The following SPTAN1 variants were observed in gnomAD, a reference collection of about 807,000 sequenced individuals.
The protein encoded by SPTAN1 is spectrin alpha chain, non-erythrocytic 1.
SPTAN1 carries 61 observed loss-of-function variants against 331.3 expected under a neutral mutation model. The ratio of observed to expected loss-of-function variants is 0.18; its 90% CI spans 0.15 to 0.23. The LOEUF is 0.23. Ranked by LOEUF, SPTAN1 falls within the 10% of genes least tolerant of loss-of-function variation. The pLI is 1.00. For missense variants in SPTAN1, 2,043 were observed against 3,147.9 expected (o/e 0.65, Z 8.40); for synonymous variants, 1,153 against 1,173.9 (o/e 0.98, Z 0.36).
intron 26 of SPTAN1, 157 bp downstream of exon 26, chr9:128,599,143 C>CT (rs559182169): frequency 8.2e-4 from 647 of 791,288 alleles, no homozygotes; most frequent in South Asian, 1.4e-3. Flanking sequence ...AAATTGATTT[C>CT]TTTTTTTTTG....
intron 12 of SPTAN1, among the ~76,000 whole-genome samples, 154 bp from the exon 13 acceptor site, chr9:128,582,325 T>C (rs1250367595): frequency 3.4e-4 from 3 of 8,884 alleles, no homozygotes; most frequent in African/African-American, 3.9e-4. Flanking sequence ...TCAAAAGTTA[T>C]GAGAAAAAAT....
At chr9:128,568,510 C>T (rs148191776) in intron 2 of SPTAN1, among the ~76,000 whole-genome samples, 10 of 152,326 alleles carry the variant, frequency 6.6e-5, no homozygotes, top group African/African-American at 2.4e-4. Flanking sequence ...TATTTTGTAG[C>T]ATCTTCCATT....
intron 24 of SPTAN1, 117 bp downstream of exon 24, chr9:128,594,490 G>C (rs1407896180): frequency 2.6e-5 from 27 of 1,027,652 alleles, no homozygotes; most frequent in Non-Finnish European, 3.4e-5. Flanking sequence ...GAGTGCAGTG[G>C]TATGACTTCG....
chr9:128,588,653 C>A (rs1853005259), intron 20 of SPTAN1, among the ~76,000 whole-genome samples, 156 bp from the exon 21 acceptor site: 1 of 151,916 alleles, frequency 6.6e-6, no homozygotes, highest in Non-Finnish European at 1.5e-5. Context: ...ATTTAAAGTT[C>A]TTGGATCAGA....
chr9:128,627,586 G>A lies in SPTAN1; in HGVS notation c.6689+88G>A. 1.6e-6 allele frequency: 2 copies of A among 1,289,808 alleles called. No individual in the cohort carries two copies. Among genetic ancestry groups the A allele is most frequent in the Middle Eastern group, 1.8e-4 (1 of 5,518 alleles). The allele number at this position is 1,289,808 out of a possible 1,614,324, so 79.9% of individuals were successfully genotyped here. A position where few individuals can be genotyped will look rare whatever the true frequency, so the allele number is the denominator to read the frequency against. ...CTTCCAGCCCCAAGGAGGTGGTGGTGCTTTGTGTAAAACCAGAGGCAGCCT... is the reference window on the plus strand; with the variant it reads ...CTTCCAGCCCCAAGGAGGTGGTGGTACTTTGTGTAAAACCAGAGGCAGCCT... On this transcript the variant is annotated intron_variant, in intron 50 of 56. Transcript: ENST00000372739. This position sits in a 1 kb window ranked among gnomAD's most constrained non-coding sequence, Gnocchi z 4.9.
chr9:128,561,015 C>CAAAA (rs10648319), intron 1 of SPTAN1, among the ~76,000 whole-genome samples: 45 of 60,052 alleles, frequency 7.5e-4, no homozygotes, highest in East Asian at 1.6e-3. Context: ...GACCCCATCT[C>CAAAA]AAAAAAAAAA....
intron 42 of SPTAN1, 76 bp downstream of exon 42, chr9:128,617,836 T>A: frequency 5.6e-6 from 9 of 1,611,958 alleles, no homozygotes; most frequent in Non-Finnish European, 6.8e-6. Flanking sequence ...CCCCTTGCGC[T>A]TATTTCACTG....
At position 128,584,712 on chromosome 9, in the gene SPTAN1, T is replaced by C. The variant is rs1354976069; in HGVS notation, c.2438-9T>C. On this transcript the variant is annotated splice_polypyrimidine_tract_variant and intron_variant, in intron 17 of 56. Transcript: ENST00000372739. The stretch of plus-strand genomic sequence containing the variant: ...GGTTGGATAACTGGGGACTGGTGTC[T>C]GCTTTCAGGTAAGGATTTAATTGGG... 5 of 1,614,240 alleles carry C rather than the reference T, an allele frequency of 3.1e-6. No individual in the cohort carries two copies. Among genetic ancestry groups the C allele is most frequent in the Non-Finnish European group, 4.2e-6 (5 of 1,180,046 alleles).
At chr9:128,599,909 C>T (rs1854859571) in intron 26 of SPTAN1, 171 bp from the exon 27 acceptor site, 3 of 678,522 alleles carry the variant, frequency 4.4e-6, no homozygotes, top group Admixed American at 2.7e-5. Context: ...TTTTCTTAAC[C>T]AGCCTTGTAG....
chr9:128,587,034 T>C (rs1256616895), intron 19 of SPTAN1, among the ~76,000 whole-genome samples: 1 of 152,182 alleles, frequency 6.6e-6, no homozygotes, highest in Non-Finnish European at 1.5e-5. Context: ...TTGGCCAGTT[T>C]GGTCTTGAAC....
Position 128,626,698 on chromosome 9 carries a change from C to T in SPTAN1, c.6576+11C>T, listed in dbSNP as rs374482693. ...CAGAAAATCATCAAGGTACACCTCC[C>T]GCTGCCCTCAGGAGCTGCTCGGCCT... On this transcript the variant is annotated intron_variant, in intron 49 of 56. Transcript: ENST00000372739. 2.6e-5 allele frequency: 41 copies of T among 1,598,616 alleles called. No individual in the cohort carries two copies. Among genetic ancestry groups the T allele is most frequent in the Middle Eastern group, 1.7e-4 (1 of 6,014 alleles).
At chr9:128,575,579 T>C (rs947069723) in intron 5 of SPTAN1, among the ~76,000 whole-genome samples, 6 of 152,242 alleles carry the variant, frequency 3.9e-5, no homozygotes, top group African/African-American at 1.2e-4. Flanking sequence ...ATCTGTTTCC[T>C]CTACCCACTT....
At chr9:128,603,688 AC>A in intron 28 of SPTAN1, 98 bp downstream of exon 28, 1 of 1,426,470 alleles carries the variant, frequency 7.0e-7, no homozygotes, top group Non-Finnish European at 9.9e-7. Context: ...CAACCGGGTG[AC>A]CTGTGACATA....
intron 24 of SPTAN1, chr9:128,596,726 C>G (rs1308683081): frequency 6.6e-6 from 1 of 152,260 alleles, no homozygotes; most frequent in East Asian, 1.9e-4. Flanking sequence ...GGGTCTCACT[C>G]TCTCACACAG....
chr9:128,557,547 T>A (rs1005694473), intron 1 of SPTAN1, among the ~76,000 whole-genome samples: 4 of 151,560 alleles, frequency 2.6e-5, no homozygotes, highest in Non-Finnish European at 5.9e-5. Context: ...ACCCCCCAAT[T>A]TTTTTTATTT....
At chr9:128,567,281 G>A (rs1267197524) in intron 2 of SPTAN1, among the ~76,000 whole-genome samples, 1 of 150,902 alleles carries the variant, frequency 6.6e-6, no homozygotes, top group Admixed American at 6.6e-5. Context: ...GAGGTTTTTT[G>A]TTTTGTTTTG....
intron 3 of SPTAN1, among the ~76,000 whole-genome samples, chr9:128,571,719 A>G (rs80024923): frequency 0.028 from 4,230 of 152,284 alleles, 201 homozygotes; most frequent in African/African-American, 0.095. Context: ...GGTGGCCATT[A>G]TTTCCCTATT....
intron 3 of SPTAN1, among the ~76,000 whole-genome samples, chr9:128,569,517 A>C (rs1208978930): frequency 1.3e-5 from 2 of 151,164 alleles, no homozygotes; most frequent in African/African-American, 4.9e-5. Context: ...TCACATATCT[A>C]GTATGAAGAT....
Position 128,598,465 on chromosome 9 carries a change from A to C in SPTAN1, c.3480A>C (p.Glu1160Asp), listed in dbSNP as rs1854609671. 1 of 1,612,996 alleles carries C rather than the reference A, an allele frequency of 6.2e-7. No individual in the cohort carries two copies. The highest frequency in any genetic ancestry group is 1.3e-5 in the African/African-American group (1 of 74,914). ...AGGTAGCTGAAGACCTGGAGTCTGAAGGTCTCATGGCAGAGGAGGTGCAGG... is the reference window on the plus strand; with the variant it reads ...AGGTAGCTGAAGACCTGGAGTCTGACGGTCTCATGGCAGAGGAGGTGCAGG... ...INKVAEDLES[E>D]GLMAEEVQAV... Residue 1160 changes from glutamate (E) to aspartate (D), a missense_variant, in exon 25 of 57, where the codon GAA becomes GAC. This residue lies in a region of SPTAN1 where 1,038 missense variants were observed against 1,531.5 expected (regional missense o/e 0.68). Transcript: ENST00000372739.
Sources: gnomAD v4.1 joint callset for allele counts (sites outside exome capture counted in the v4.1 genomes callset) on GRCh38, gnomAD v4.1.1 for gene constraint, gnomAD v4.1.1 regional missense constraint, Gnocchi (gnomAD v3.1) non-coding constraint, MANE v1.5 for transcripts, NCBI Gene and HGNC (gene_info 2026-07-23, HGNC 2026-07-21) for gene names.